Variants in NECAB1 observed in about 807,000 individuals in gnomAD.
NECAB1 encodes the protein N-terminal EF-hand calcium-binding protein 1.
NECAB1 carries 29 observed loss-of-function variants against 57.5 expected under a neutral mutation model. The ratio of observed to expected loss-of-function variants is 0.50; its 90% confidence interval spans 0.38 to 0.69. The LOEUF (loss-of-function observed/expected upper bound fraction) is 0.69, where lower values mean the gene tolerates loss of function less well. NECAB1 is among the 30% of genes least tolerant of loss of function. The pLI, the probability that NECAB1 is intolerant of heterozygous loss-of-function variation, is 0.00. For missense variants in NECAB1, 372 were observed against 413.8 expected (o/e 0.90, Z 0.88); for synonymous variants, 142 against 147.7 (o/e 0.96, Z 0.28).
intron 6 of NECAB1, 22 bp downstream of exon 6, chr8:90,917,650 G>A: frequency 6.3e-7 from 1 of 1,596,708 alleles, no homozygotes; most frequent in Non-Finnish European, 8.5e-7. Flanking sequence ...GTTTTCATCT[G>A]ATGTCTATTT....
At chr8:90,923,287 A>C (rs1586128827) in intron 6 of NECAB1, among the ~76,000 whole-genome samples, 1 of 152,330 alleles carries the variant, frequency 6.6e-6, no homozygotes, top group East Asian at 1.9e-4. Context: ...ATAGGACACA[A>C]TACTAACAAA....
chr8:90,849,686 ATTTTTTT>A (rs34779201), intron 3 of NECAB1, among the ~76,000 whole-genome samples: 70 of 84,126 alleles, frequency 8.3e-4, no homozygotes, highest in African/African-American at 1.3e-3. Context: ...GTTTCCAGTA[ATTTTTTT>A]TTTTTTTTTT....
chr8:90,954,067 A>AAAATAAATAAAT (rs60959508), intron 12 of NECAB1, among the ~76,000 whole-genome samples: 38 of 142,640 alleles, frequency 2.7e-4, no homozygotes, highest in South Asian at 6.8e-4. Flanking sequence ...AGACTGTCTC[A>AAAATAAATAAAT]AAATAAATAA....
intron 2 of NECAB1, among the ~76,000 whole-genome samples, chr8:90,809,195 CT>C (rs1811909832): frequency 6.6e-6 from 1 of 152,232 alleles, no homozygotes. Flanking sequence ...TGACTTGCCC[CT>C]CTAGATGTGT....
At chr8:90,794,924 C>G (rs941167119) in intron 1 of NECAB1, among the ~76,000 whole-genome samples, 1 of 152,154 alleles carries the variant, frequency 6.6e-6, no homozygotes, top group Non-Finnish European at 1.5e-5. Flanking sequence ...ATCATAAATA[C>G]TCTTGAATAC....
intron 3 of NECAB1, among the ~76,000 whole-genome samples, chr8:90,863,294 A>T (rs1221658870): frequency 6.6e-6 from 1 of 152,160 alleles, no homozygotes. Context: ...ACTAGTAGAA[A>T]GATCAAGCAT....
intron 6 of NECAB1, among the ~76,000 whole-genome samples, chr8:90,921,732 A>G (rs908564994): frequency 6.6e-6 from 1 of 151,974 alleles, no homozygotes; most frequent in Admixed American, 6.6e-5. Flanking sequence ...AATCTCTAGG[A>G]TTGTGATAAT....
intron 12 of NECAB1, among the ~76,000 whole-genome samples, chr8:90,953,827 G>A (rs1020985568): frequency 6.6e-6 from 1 of 152,148 alleles, no homozygotes; most frequent in African/African-American, 2.4e-5. Context: ...CCAGCACTTT[G>A]GGAGGCGAAG....
Position 90,831,217 on chromosome 8 carries a change from C to T in NECAB1, c.233+6392C>T, listed in dbSNP as rs184193109. Among the ~76,000 whole-genome samples the T allele has an allele frequency of 3.8e-3, 581 of 152,240 alleles. 2 individuals are homozygous for T. Among genetic ancestry groups the T allele is most frequent in the African/African-American group, 0.013 (527 of 41,574 alleles). ...ACTGCTTTTATTTCCCAATAACTCT[C>T]AGCAATTCCTGGTTTTGAATTATGA... On this transcript the variant is annotated intron_variant, in intron 3 of 12. Transcript: ENST00000417640.
rs1205454251 is a variant in NECAB1 at position 90,957,683 on chromosome 8, A to C, written c.*2171A>C. On this transcript the variant is annotated 3_prime_UTR_variant, in exon 13 of 13. Coordinates refer to ENST00000417640, the MANE Select transcript of NECAB1 (RefSeq NM_022351.5). ...GGAAACTAGTAGGGCCAAAAAAAAAAAGAAAAAGAAAAAGAAAAAAGAAAA... is the reference window on the plus strand; with the variant it reads ...GGAAACTAGTAGGGCCAAAAAAAAACAGAAAAAGAAAAAGAAAAAAGAAAA... 2 of 150,360 alleles carry C rather than the reference A, an allele frequency of 1.3e-5. No individual in the cohort carries two copies. Among genetic ancestry groups the C allele is most frequent in the African/African-American group, 2.4e-5 (1 of 41,140 alleles). The allele number at this position is 150,360 out of a possible 1,614,324, so 9.3% of individuals were successfully genotyped here. A position where few individuals can be genotyped will look rare whatever the true frequency, so the allele number is the denominator to read the frequency against.
chr8:90,907,780 A>T (rs963672715), intron 5 of NECAB1, among the ~76,000 whole-genome samples: 1 of 152,152 alleles, frequency 6.6e-6, no homozygotes, highest in Non-Finnish European at 1.5e-5. Context: ...CCTGTTTGTT[A>T]TTCTGAGCAA....
intron 5 of NECAB1, among the ~76,000 whole-genome samples, chr8:90,890,014 G>T (rs1809119333): frequency 2.0e-5 from 3 of 152,108 alleles, no homozygotes; most frequent in Middle Eastern, 3.4e-3. Flanking sequence ...ATCTTTATCT[G>T]TTTTTTCCCT....
chr8:90,883,166 T>C (rs887956765), intron 5 of NECAB1, among the ~76,000 whole-genome samples: 13 of 152,190 alleles, frequency 8.5e-5, no homozygotes, highest in African/African-American at 3.1e-4. Flanking sequence ...CAAAATCTTT[T>C]TCTTGGCACT....
Position 90,901,693 on chromosome 8 carries a change from T to C in NECAB1, c.358-15799T>C, listed in dbSNP as rs1229416597. Among the ~76,000 whole-genome samples, 3 of 152,342 alleles carry C rather than the reference T, an allele frequency of 2.0e-5. No individual in the cohort carries two copies. The East Asian group carries it at 5.8e-4, about 29-fold the overall frequency. On this transcript the variant is annotated intron_variant, in intron 5 of 12. Transcript: ENST00000417640. Reference sequence around the variant, plus strand: ...CTGATTGCCTGTGAAATTTGTATAGTACGACCATTTGACCCTGAATTTTGT... The same window carrying C: ...CTGATTGCCTGTGAAATTTGTATAGCACGACCATTTGACCCTGAATTTTGT...
At chr8:90,943,329 A>G (rs1263822672) in intron 10 of NECAB1, among the ~76,000 whole-genome samples, 4 of 152,234 alleles carry the variant, frequency 2.6e-5, no homozygotes, top group African/African-American at 7.2e-5. Flanking sequence ...GGTTTGTTTC[A>G]TACAATTCTT....
At chr8:90,844,457 C>G (rs1313436558) in intron 3 of NECAB1, among the ~76,000 whole-genome samples, 1 of 152,168 alleles carries the variant, frequency 6.6e-6, no homozygotes, top group Middle Eastern at 3.2e-3. Context: ...TCTGGCCAGA[C>G]ATATCATGCA....
intron 3 of NECAB1, among the ~76,000 whole-genome samples, chr8:90,869,854 G>A (rs1808589543): frequency 6.6e-6 from 1 of 152,084 alleles, no homozygotes; most frequent in South Asian, 2.1e-4. Flanking sequence ...ATGTGAGAAG[G>A]ACATGAGATT....
chr8:90,932,172 G>GT (rs1457813264), intron 8 of NECAB1, among the ~76,000 whole-genome samples: 1 of 152,114 alleles, frequency 6.6e-6, no homozygotes, highest in Non-Finnish European at 1.5e-5. Flanking sequence ...GGAAATAGTG[G>GT]TCAAGGAGAT....
chr8:90,952,162 G>C (rs1294434643), intron 12 of NECAB1, among the ~76,000 whole-genome samples: 1 of 151,828 alleles, frequency 6.6e-6, no homozygotes, highest in Non-Finnish European at 1.5e-5. Flanking sequence ...AGGGAGAAAG[G>C]TGGATGTCAT....
Sources: gnomAD v4.1 joint callset for allele counts (sites outside exome capture counted in the v4.1 genomes callset) on GRCh38, gnomAD v4.1.1 for gene constraint, MANE v1.5 for transcripts, NCBI Gene and HGNC (gene_info 2026-07-23, HGNC 2026-07-21) for gene names.